The following CCSER1 variants were observed in gnomAD, a reference collection of about 807,000 sequenced individuals.
CCSER1 encodes the protein coiled-coil serine rich protein 1.
A neutral mutation model predicts 82.0 loss-of-function variants in CCSER1; 41 were observed. The ratio of observed to expected loss-of-function variants is 0.50; its 90% CI spans 0.39 to 0.65. The LOEUF is 0.65. Ranked by LOEUF, CCSER1 falls within the 30% of genes least tolerant of loss-of-function variation. CCSER1 has a pLI of 0.00. For synonymous variants in CCSER1, 414 were observed against 383.9 expected (o/e 1.08, Z -0.92); for missense variants, 1,119 against 1,064.2 (o/e 1.05, Z -0.72).
At chr4:90,986,804 G>T (rs903930710) in intron 9 of CCSER1, among the ~76,000 whole-genome samples, 1 of 151,668 alleles carries the variant, frequency 6.6e-6, no homozygotes, top group Non-Finnish European at 1.5e-5. Flanking sequence ...TTACAATTTC[G>T]ATATTATTAC....
At chr4:91,086,845 A>G (rs1441767686) in intron 10 of CCSER1, among the ~76,000 whole-genome samples, 1 of 151,992 alleles carries the variant, frequency 6.6e-6, no homozygotes, top group African/African-American at 2.4e-5. Flanking sequence ...TTCCTAGTGA[A>G]TTTGTCATTT....
intron 1 of CCSER1, among the ~76,000 whole-genome samples, chr4:90,229,243 G>A (rs1743918370): frequency 6.6e-6 from 1 of 152,106 alleles, no homozygotes; most frequent in South Asian, 2.1e-4. Flanking sequence ...ACCCACAAAG[G>A]GAAGCCCATC....
At chr4:91,323,927 G>A (rs952296464) in intron 10 of CCSER1, among the ~76,000 whole-genome samples, 23 of 152,128 alleles carry the variant, frequency 1.5e-4, no homozygotes, top group African/African-American at 4.8e-4. Flanking sequence ...AGAAAGCCTA[G>A]ATTAAGCACA....
chr4:91,295,671 T>C (rs572482681), intron 10 of CCSER1, among the ~76,000 whole-genome samples: 298 of 152,048 alleles, frequency 2.0e-3, no homozygotes, highest in Middle Eastern at 0.01. Context: ...GCATAATGCA[T>C]ACAAAGAGAA....
chr4:91,158,178 CT>C (rs1325295338), intron 10 of CCSER1, among the ~76,000 whole-genome samples: 3 of 152,114 alleles, frequency 2.0e-5, no homozygotes, highest in Non-Finnish European at 4.4e-5. Context: ...GTATTTTGCA[CT>C]TTCAGATCAC....
At chr4:91,511,490 A>C (rs1410895049) in intron 10 of CCSER1, among the ~76,000 whole-genome samples, 1 of 129,246 alleles carries the variant, frequency 7.7e-6, no homozygotes, top group Non-Finnish European at 1.6e-5. Context: ...TGTCATGTAT[A>C]ACAGGGGGTC....
intron 10 of CCSER1, among the ~76,000 whole-genome samples, chr4:91,419,951 A>G (rs1162291771): frequency 6.6e-6 from 1 of 152,132 alleles, no homozygotes; most frequent in East Asian, 1.9e-4. Flanking sequence ...ACGTTAGGAA[A>G]GATGAGTTTC....
intron 10 of CCSER1, among the ~76,000 whole-genome samples, chr4:91,212,730 T>A (rs1736921667): frequency 2.0e-5 from 3 of 152,182 alleles, no homozygotes; most frequent in Admixed American, 6.5e-5. Context: ...ATTCCTTTTT[T>A]AAATAATTTA....
intron 10 of CCSER1, among the ~76,000 whole-genome samples, chr4:91,578,608 T>G (rs1763568065): frequency 6.6e-6 from 1 of 151,986 alleles, no homozygotes. Flanking sequence ...AAATTTAATT[T>G]TTTAAAATGA....
chr4:90,463,876 G>C (rs955552100), intron 4 of CCSER1, among the ~76,000 whole-genome samples: 1 of 151,772 alleles, frequency 6.6e-6, no homozygotes, highest in African/African-American at 2.4e-5. Context: ...TAGTAGTTTT[G>C]CGAAATTTAT....
intron 9 of CCSER1, among the ~76,000 whole-genome samples, chr4:91,068,301 G>A (rs1217660000): frequency 2.0e-5 from 3 of 152,166 alleles, no homozygotes; most frequent in African/African-American, 7.2e-5. Flanking sequence ...GGGTTTGAGA[G>A]GATATTAAGT....
chr4:90,796,337 C>A (rs1250715209), intron 7 of CCSER1, among the ~76,000 whole-genome samples: 4 of 143,766 alleles, frequency 2.8e-5, no homozygotes. Flanking sequence ...GTGGTAATAC[C>A]TTCTTTGTTG....
intron 6 of CCSER1, among the ~76,000 whole-genome samples, chr4:90,671,845 A>G (rs1732860711): frequency 6.6e-6 from 1 of 152,050 alleles, no homozygotes; most frequent in African/African-American, 2.4e-5. Flanking sequence ...TTCTTGATCC[A>G]TGGGCTGCAG....
chr4:91,566,379 G>T (rs1314908581), intron 10 of CCSER1, among the ~76,000 whole-genome samples: 1 of 152,088 alleles, frequency 6.6e-6, no homozygotes. Context: ...CCAGGTTTTG[G>T]TATCAAGATG....
At chr4:91,219,841 T>C (rs1252860669) in intron 10 of CCSER1, among the ~76,000 whole-genome samples, 7 of 152,164 alleles carry the variant, frequency 4.6e-5, no homozygotes, top group Non-Finnish European at 1.0e-4. Flanking sequence ...AAACCTATGA[T>C]TGTTAGGATT....
intron 10 of CCSER1, among the ~76,000 whole-genome samples, chr4:91,501,323 A>G (rs866104792): frequency 1.3e-5 from 2 of 151,838 alleles, no homozygotes; most frequent in Non-Finnish European, 2.9e-5. Flanking sequence ...CACAACATTA[A>G]TCTTATTTTT....
At chr4:91,014,196 G>A (rs1007077889) in intron 9 of CCSER1, among the ~76,000 whole-genome samples, 3 of 133,176 alleles carry the variant, frequency 2.3e-5, no homozygotes, top group African/African-American at 7.5e-5. Context: ...AGATTTTGGC[G>A]ACCATCATTT....
intron 7 of CCSER1, among the ~76,000 whole-genome samples, chr4:90,728,246 T>C (rs1191988764): frequency 2.0e-5 from 3 of 152,172 alleles, no homozygotes; most frequent in African/African-American, 7.2e-5. Flanking sequence ...CTCTTCTTCT[T>C]ATGAAATCCA....
At chr4:90,598,827 G>A (rs1299763453) in intron 5 of CCSER1, among the ~76,000 whole-genome samples, 1 of 152,076 alleles carries the variant, frequency 6.6e-6, no homozygotes, top group African/African-American at 2.4e-5. Context: ...AGAATGGGGA[G>A]ATGAGCCTCT....
Sources: allele counts gnomAD v4.1 joint callset (sites outside exome capture counted in the v4.1 genomes callset), GRCh38; gene constraint gnomAD v4.1.1; transcripts MANE v1.5; gene names NCBI Gene and HGNC (gene_info 2026-07-23, HGNC 2026-07-21).